DPF3: variants seen among roughly 807,000 people sequenced by gnomAD.
The protein encoded by DPF3 is zinc finger protein DPF3.
DPF3 carries 18 observed loss-of-function variants against 56.8 expected under a neutral mutation model. That is an observed-to-expected ratio of 0.32 (90% CI 0.22 to 0.47). The LOEUF is 0.47. DPF3 is among the 20% of genes least tolerant of loss of function. The probability of loss-of-function intolerance (pLI) is 1.00; values close to 1 mark genes in which losing one functional copy is unlikely to be tolerated. For missense variants in DPF3, 403 were observed against 488.8 expected, an observed-to-expected ratio of 0.82 and a Z score of 1.65; for synonymous variants, 188 against 180.2, an observed-to-expected ratio of 1.04 and a Z score of -0.35.
chr14:72,738,633 G>A (rs777145756), intron 3 of DPF3, among the ~76,000 whole-genome samples: 4 of 152,180 alleles, frequency 2.6e-5, no homozygotes, highest in African/African-American at 4.8e-5. Flanking sequence ...AGGCAAGGTC[G>A]GGGAATCAGG....
At chr14:72,884,940 C>CTATATATATATATATATA (rs773450437) in intron 1 of DPF3, among the ~76,000 whole-genome samples, 446 of 29,562 alleles carry the variant, frequency 0.015, 53 homozygotes, top group Non-Finnish European at 0.026. Flanking sequence ...ACTAAAAATA[C>CTATATATATATATATATA]TATATATATA....
chr14:72,770,075 A>G (rs1430480225), intron 2 of DPF3, among the ~76,000 whole-genome samples: 1 of 152,214 alleles, frequency 6.6e-6, no homozygotes, highest in Non-Finnish European at 1.5e-5. Context: ...AATGGGATAA[A>G]GAATCTAGGC....
intron 3 of DPF3, among the ~76,000 whole-genome samples, chr14:72,746,342 G>A (rs933285387): frequency 4.6e-5 from 7 of 152,208 alleles, no homozygotes; most frequent in Non-Finnish European, 7.3e-5. Flanking sequence ...GCACTCCGAC[G>A]GCCTCTTCAT....
At chr14:72,631,640 T>C (rs1885176015) in intron 8 of DPF3, among the ~76,000 whole-genome samples, 1 of 152,182 alleles carries the variant, frequency 6.6e-6, no homozygotes. Flanking sequence ...AGGATAACTA[T>C]TCATTAACTT....
At chr14:72,773,186 G>A (rs1013708093) in intron 1 of DPF3, among the ~76,000 whole-genome samples, 10 of 148,916 alleles carry the variant, frequency 6.7e-5, no homozygotes, top group African/African-American at 2.5e-4. Flanking sequence ...AGGCTGGAGT[G>A]CAACGGTGCG....
chr14:72,649,661 G>A (rs182806176), intron 8 of DPF3, among the ~76,000 whole-genome samples: 54 of 79,782 alleles, frequency 6.8e-4, no homozygotes, highest in African/African-American at 3.0e-3. Flanking sequence ...ATCCCTGGGT[G>A]GGGGGGGGGA....
intron 1 of DPF3, among the ~76,000 whole-genome samples, chr14:72,886,616 C>G (rs1038204642): frequency 1.3e-5 from 2 of 152,124 alleles, no homozygotes; most frequent in Non-Finnish European, 2.9e-5. Context: ...GAATGCCTCT[C>G]TCTGCTGGAG....
At chr14:72,841,452 A>C (rs1738623130) in intron 1 of DPF3, among the ~76,000 whole-genome samples, 3 of 152,150 alleles carry the variant, frequency 2.0e-5, no homozygotes, top group Admixed American at 2.0e-4. Context: ...AAAATCTGTA[A>C]TCTCACTGGT....
At chr14:72,753,514 T>C in intron 2 of DPF3, 143 bp from the exon 3 acceptor site, 1 of 680,272 alleles carries the variant, frequency 1.5e-6, no homozygotes. Context: ...AGCTGATTGC[T>C]AGTGGTGGCA....
intron 1 of DPF3, among the ~76,000 whole-genome samples, chr14:72,781,912 G>A (rs971111910): frequency 6.6e-6 from 1 of 152,192 alleles, no homozygotes; most frequent in Non-Finnish European, 1.5e-5. Context: ...TACCTAGAAA[G>A]AAAACATGCA....
At chr14:72,862,410 A>T (rs1885475354) in intron 1 of DPF3, among the ~76,000 whole-genome samples, 2 of 152,130 alleles carry the variant, frequency 1.3e-5, no homozygotes, top group East Asian at 1.9e-4. Context: ...CCTACTTTCA[A>T]TTCCATCTTA....
intron 1 of DPF3, among the ~76,000 whole-genome samples, chr14:72,829,293 G>A (rs1883950289): frequency 6.6e-6 from 1 of 152,190 alleles, no homozygotes; most frequent in African/African-American, 2.4e-5. Flanking sequence ...ATAAATATTT[G>A]TTATTAAATC....
intron 1 of DPF3, among the ~76,000 whole-genome samples, chr14:72,799,748 TGGAAC>T: frequency 6.6e-6 from 1 of 152,100 alleles, no homozygotes; most frequent in Non-Finnish European, 1.5e-5. Flanking sequence ...GAGTCAATCC[TGGAAC>T]TTCTGGGGGA....
intron 8 of DPF3, chr14:72,662,088 T>C (rs1384720128): frequency 3.0e-6 from 3 of 985,140 alleles, no homozygotes; most frequent in Non-Finnish European, 3.6e-6. Flanking sequence ...CTAAGTTATT[T>C]CAGTCAAATC....
At position 72,614,522 on chromosome 14, in the gene DPF3, AC is replaced by A. The variant is rs1250410226; in HGVS notation, c.*4774del. Among the ~76,000 whole-genome samples the A allele has an allele frequency of 6.6e-6, 1 of 151,786 alleles. No homozygotes were observed. The highest frequency in any genetic ancestry group is 2.4e-5 in the African/African-American group (1 of 41,296). On this transcript the variant is annotated 3_prime_UTR_variant, in exon 11 of 11. Transcript: ENST00000556509. The stretch of plus-strand genomic sequence containing the variant: ...TGGGGGACAGGGGCCTGGGGGCCTG[AC>A]CCCTCTGGTAGCAGTGCCTGGAAAT...
intron 3 of DPF3, among the ~76,000 whole-genome samples, chr14:72,743,904 C>T (rs983389083): frequency 3.3e-5 from 5 of 152,244 alleles, no homozygotes; most frequent in Admixed American, 2.6e-4. Flanking sequence ...GTGCAAGCTG[C>T]AGAGAACACT....
intron 7 of DPF3, among the ~76,000 whole-genome samples, chr14:72,679,857 TGCTG>T (rs1332047597): frequency 6.6e-6 from 1 of 152,122 alleles, no homozygotes; most frequent in Non-Finnish European, 1.5e-5. Flanking sequence ...AGGCGGGACG[TGCTG>T]GCTAGGCCAG....
At position 72,629,719 on chromosome 14, in the gene DPF3, G is replaced by T; in HGVS notation, c.889C>A (p.Gln297Lys). 1 of 1,536,082 alleles carries T rather than the reference G, an allele frequency of 6.5e-7. No homozygotes were observed. Among genetic ancestry groups the T allele is most frequent in the Non-Finnish European group, 8.7e-7 (1 of 1,146,860 alleles). ...GCCTCGGTCATGTTCAGGGTAAACT[G>T]CAGGCAGGTTGGGTGACCTGGAGGA... ...CGRSGHPTCL[Q>K]FTLNMTEAVK... The change falls in exon 9 of 11, where the codon CAG (glutamine) becomes AAG (lysine). Residue 297 changes from glutamine to lysine, a missense_variant. Physicochemically the swap from Gln to Lys is moderately conservative, Grantham distance 53 (BLOSUM62 1). This residue lies in a region of DPF3 where 63 missense variants were observed against 114.4 expected (regional missense o/e 0.55). Coordinates refer to ENST00000556509, the MANE Select transcript of DPF3 (RefSeq NM_001280542.3).
intron 8 of DPF3, among the ~76,000 whole-genome samples, chr14:72,663,801 C>T (rs1886329625): frequency 6.6e-6 from 1 of 152,092 alleles, no homozygotes; most frequent in Non-Finnish European, 1.5e-5. Context: ...GAAAAAAGCT[C>T]AAAAGCAAAT....
Sources: gnomAD v4.1 joint callset for allele counts (sites outside exome capture counted in the v4.1 genomes callset) on GRCh38, gnomAD v4.1.1 for gene constraint, gnomAD v4.1.1 regional missense constraint, MANE v1.5 for transcripts, NCBI Gene and HGNC (gene_info 2026-07-23, HGNC 2026-07-21) for gene names.